Variants in SLC2A13 observed in about 807,000 individuals in gnomAD.
The protein encoded by SLC2A13 is proton myo-inositol cotransporter.
SLC2A13 carries 32 observed loss-of-function variants against 64.4 expected under a neutral mutation model. That is an observed-to-expected ratio of 0.50 (90% CI 0.37 to 0.67). SLC2A13 has a LOEUF of 0.67. Among genes scored for constraint, SLC2A13 ranks in the 30% least tolerant of loss-of-function variants. The pLI is 0.00. For synonymous variants in SLC2A13, 338 were observed against 327.1 expected (o/e 1.03, Z -0.36); for missense variants, 743 against 829.2 (o/e 0.90, Z 1.28).
rs530355969 is a variant in SLC2A13 at position 39,928,509 on chromosome 12, T to A, written c.1034+22748A>T. On this transcript the variant is annotated intron_variant, in intron 4 of 9. Transcript: ENST00000280871. The stretch of plus-strand genomic sequence containing the variant: ...TGCACAGAGTTAAAACATTAAAATC[T>A]TAAAAAATTAAGGATATTAAATGCG... 2.0e-5 allele frequency among the ~76,000 whole-genome samples: 3 copies of A among 152,278 alleles called. No individual in the cohort carries two copies. The South Asian group carries it at 6.2e-4, about 32-fold the overall frequency.
intron 3 of SLC2A13, among the ~76,000 whole-genome samples, chr12:39,990,599 G>T (rs1947119014): frequency 6.6e-6 from 1 of 152,170 alleles, no homozygotes; most frequent in Admixed American, 6.5e-5. Context: ...GTGCTGAACA[G>T]TGCTGAAGGA....
chr12:39,912,536 AG>A (rs903908640), intron 4 of SLC2A13, among the ~76,000 whole-genome samples: 1 of 152,128 alleles, frequency 6.6e-6, no homozygotes, highest in Admixed American at 6.5e-5. Flanking sequence ...TGGATAGAAA[AG>A]TTATAATCGA....
At chr12:39,823,874 C>G (rs1475916085) in intron 7 of SLC2A13, among the ~76,000 whole-genome samples, 4 of 152,122 alleles carry the variant, frequency 2.6e-5, no homozygotes, top group African/African-American at 9.7e-5. Flanking sequence ...TTTATTACTA[C>G]AGGTAAACAT....
At position 39,951,340 on chromosome 12, in the gene SLC2A13, C is replaced by G. The variant is rs1209256069; in HGVS notation, c.951G>C (p.Leu317=). 4 of 1,602,124 alleles carry G rather than the reference C, an allele frequency of 2.5e-6. No homozygotes were observed. Among genetic ancestry groups the G allele is most frequent in the Non-Finnish European group, 3.4e-6 (4 of 1,175,228 alleles). ...AAGCTCGGCGAGTTGGGGGATAACT[C>G]AGCATTCTGCAGATCACAGGTCCAG... The part of the protein sequence containing the change: ...GSAGPVICRM[L]SYPPTRRALI... The change falls in exon 4 of 10, where the codon CTG becomes CTC. Residue 317 remains leucine (L), a synonymous_variant. Transcript: ENST00000280871.
At chr12:39,812,168 G>C (rs1443841662) in intron 7 of SLC2A13, among the ~76,000 whole-genome samples, 1 of 152,138 alleles carries the variant, frequency 6.6e-6, no homozygotes, top group East Asian at 1.9e-4. Flanking sequence ...CTGCTCCCTG[G>C]TTCATAGCCA....
At chr12:39,811,266 T>C (rs1402235417) in intron 7 of SLC2A13, among the ~76,000 whole-genome samples, 1 of 152,096 alleles carries the variant, frequency 6.6e-6, no homozygotes, top group Non-Finnish European at 1.5e-5. Flanking sequence ...AATTACCTTT[T>C]GATTTCATTT....
At chr12:40,036,432 A>C (rs1449360918) in intron 2 of SLC2A13, among the ~76,000 whole-genome samples, 1 of 152,232 alleles carries the variant, frequency 6.6e-6, no homozygotes, top group East Asian at 1.9e-4. Context: ...GAAAGAGAAC[A>C]TTTCCATAAT....
At chr12:39,896,580 G>A (rs978315237) in intron 4 of SLC2A13, among the ~76,000 whole-genome samples, 4 of 144,000 alleles carry the variant, frequency 2.8e-5, no homozygotes, top group South Asian at 2.3e-4. Context: ...ATGTATGTGT[G>A]TATATATGTA....
At chr12:39,994,280 G>A (rs932861892) in intron 3 of SLC2A13, among the ~76,000 whole-genome samples, 2 of 151,816 alleles carry the variant, frequency 1.3e-5, no homozygotes, top group Non-Finnish European at 2.9e-5. Context: ...CTACTCGGCA[G>A]GCTGAGGCAG....
intron 1 of SLC2A13, among the ~76,000 whole-genome samples, chr12:40,092,226 A>G (rs1030457541): frequency 6.6e-6 from 1 of 152,224 alleles, no homozygotes; most frequent in African/African-American, 2.4e-5. Flanking sequence ...AAGTCTTCAC[A>G]GCATAATTTA....
chr12:40,001,092 A>T (rs910923769), intron 3 of SLC2A13, among the ~76,000 whole-genome samples: 8 of 152,222 alleles, frequency 5.3e-5, no homozygotes, highest in African/African-American at 1.9e-4. Flanking sequence ...AGCAAACAGG[A>T]GTCTCCTGAC....
chr12:40,083,341 T>G (rs1938477181), intron 1 of SLC2A13, among the ~76,000 whole-genome samples: 1 of 152,194 alleles, frequency 6.6e-6, no homozygotes, highest in Non-Finnish European at 1.5e-5. Flanking sequence ...AAACCAGGAT[T>G]TTCTCTTAGA....
chr12:40,040,263 G>A (rs764097000), intron 2 of SLC2A13, among the ~76,000 whole-genome samples: 5 of 152,230 alleles, frequency 3.3e-5, no homozygotes, highest in African/African-American at 9.7e-5. Flanking sequence ...CACTGGCTAG[G>A]TGAGACTATT....
intron 6 of SLC2A13, among the ~76,000 whole-genome samples, chr12:39,831,820 C>A (rs1337518229): frequency 2.0e-5 from 3 of 152,098 alleles, no homozygotes; most frequent in Non-Finnish European, 4.4e-5. Flanking sequence ...CCCCCTTAGC[C>A]TTCTACCATA....
chr12:39,792,348 T>C (rs972034059), intron 7 of SLC2A13, among the ~76,000 whole-genome samples: 1 of 151,450 alleles, frequency 6.6e-6, no homozygotes, highest in Non-Finnish European at 1.5e-5. Context: ...CCAAAAGCAA[T>C]GGCAACAAAA....
chr12:39,836,596 T>C (rs956185109), intron 6 of SLC2A13, among the ~76,000 whole-genome samples: 7 of 149,028 alleles, frequency 4.7e-5, no homozygotes, highest in East Asian at 2.0e-4. Flanking sequence ...AACCCCATTG[T>C]CTCAGCCCAA....
intron 1 of SLC2A13, among the ~76,000 whole-genome samples, chr12:40,078,915 T>G (rs1938285026): frequency 6.6e-6 from 1 of 152,188 alleles, no homozygotes; most frequent in African/African-American, 2.4e-5. Context: ...CTAGTTGGTG[T>G]GCATAGAGGT....
rs1046956111 is a variant in SLC2A13, at chr12:40,019,815, A to G, written c.925+8486T>C. Among the ~76,000 whole-genome samples the G allele has an allele frequency of 3.3e-5, 5 of 152,212 alleles. No individual in the cohort carries two copies. The East Asian group carries it at 7.7e-4, about 24-fold the overall frequency. On this transcript the variant is annotated intron_variant, in intron 3 of 9. Coordinates refer to ENST00000280871, the MANE Select transcript of SLC2A13 (RefSeq NM_052885.4). ...GTACCTTGAAAAATCCAGGGGAAAA[A>G]CTGTACTGAAAAACGTGAGACACTT...
intron 3 of SLC2A13, among the ~76,000 whole-genome samples, chr12:40,019,708 A>C (rs1390690307): frequency 6.6e-6 from 1 of 152,174 alleles, no homozygotes; most frequent in Non-Finnish European, 1.5e-5. Flanking sequence ...AAGAACAGTT[A>C]CTGGGCTCAG....
Sources: allele counts gnomAD v4.1 joint callset (sites outside exome capture counted in the v4.1 genomes callset), GRCh38; gene constraint gnomAD v4.1.1; transcripts MANE v1.5; gene names NCBI Gene and HGNC (gene_info 2026-07-23, HGNC 2026-07-21).